ERCC1: variants seen among roughly 807,000 people sequenced by gnomAD.
ERCC1 encodes DNA excision repair protein ERCC-1.
Under a neutral mutation model 37.6 loss-of-function variants are expected in ERCC1, and 36 were observed. The ratio of observed to expected loss-of-function variants is 0.96; its 90% CI spans 0.73 to 1.26. The LOEUF is 1.26. Ranked by LOEUF, ERCC1 falls within the 50% of genes most tolerant of loss-of-function variation. ERCC1 has a pLI of 0.00. For missense variants in ERCC1, 349 were observed against 376.5 expected, an observed-to-expected ratio of 0.93 and a Z score of 0.60; for synonymous variants, 156 against 162.1, an observed-to-expected ratio of 0.96 and a Z score of 0.28.
chr19:45,445,881 A>AT (rs1966925000), intron 1 of ERCC1, among the ~76,000 whole-genome samples: 8 of 151,802 alleles, frequency 5.3e-5, no homozygotes, highest in Admixed American at 3.3e-4. Context: ...TTATTTGTTA[A>AT]TTAATTTATT....
chr19:45,428,083 C>CAT (rs1555790017), upstream of ERCC1, among the ~76,000 whole-genome samples: 1 of 116,018 alleles, frequency 8.6e-6, no homozygotes, highest in Non-Finnish European at 1.7e-5. Context: ...TTCTTTCTTT[C>CAT]TTTTTTTTTT....
intron 1 of ERCC1, among the ~76,000 whole-genome samples, chr19:45,440,943 G>A (rs1050232420): frequency 1.1e-4 from 17 of 152,190 alleles, no homozygotes; most frequent in Admixed American, 3.3e-4. Flanking sequence ...TGCCTTGCCC[G>A]CCTTGTCCAG....
intron 1 of ERCC1, chr19:45,449,272 A>G (rs1352313156): frequency 1.3e-5 from 2 of 150,052 alleles, no homozygotes; most frequent in African/African-American, 5.1e-5. Context: ...AACAATAATA[A>G]AAACACCTCT....
chr19:45,448,399 T>G (rs1309985714), intron 1 of ERCC1, among the ~76,000 whole-genome samples: 1 of 152,110 alleles, frequency 6.6e-6, no homozygotes, highest in Non-Finnish European at 1.5e-5. Context: ...TAAGAATGTT[T>G]GGAAACAACC....
chr19:45,430,662 C>T (rs1308151533), intron 1 of ERCC1, among the ~76,000 whole-genome samples: 2 of 152,102 alleles, frequency 1.3e-5, no homozygotes, highest in African/African-American at 2.4e-5. Context: ...CCTGTAATCC[C>T]AGCACTTTGG....
At chr19:45,424,146 C>T (rs1974609490), upstream of ERCC1, 1 of 743,962 alleles carries the variant, frequency 1.3e-6, no homozygotes, top group Non-Finnish European at 1.7e-6. Context: ...AACTTGGTCC[C>T]TCCTCTCAGT....
Position 45,420,025 on chromosome 19 carries a change from C to T in ERCC1, c.425+299G>A, listed in dbSNP as rs1305343708. The stretch of plus-strand genomic sequence containing the variant: ...GCCTCAGACCCAGGAGTCTAGGCCC[C>T]AGCCCCTCCTCCCTCAGATCCCCAG... On this transcript the variant is annotated intron_variant, in intron 4 of 9. Transcript: ENST00000300853. The surrounding 1 kb of genome is among the most constrained non-coding windows in gnomAD (Gnocchi z 4.8). 6.6e-6 allele frequency among the ~76,000 whole-genome samples: 1 copy of T among 150,846 alleles called. No individual in the cohort carries two copies.
chr19:45,448,745 G>T (rs1189083465), intron 1 of ERCC1, among the ~76,000 whole-genome samples: 1 of 151,890 alleles, frequency 6.6e-6, no homozygotes, highest in African/African-American at 2.4e-5. Flanking sequence ...CACATCAGAG[G>T]CTGAGAAAGA....
At position 45,407,369 on chromosome 19, in the gene ERCC1, C is replaced by A; in HGVS notation, c.*2306G>T. 1 of 788,114 alleles carries A rather than the reference C, an allele frequency of 1.3e-6. No individual in the cohort carries two copies. Among genetic ancestry groups the A allele is most frequent in the East Asian group, 2.8e-5 (1 of 35,238 alleles). 48.8% of individuals were successfully genotyped at this position (788,114 alleles called of 1,614,324 possible). ...GAAACAAGTTTATTGGAAACTACTCCTTTACAGAGTAGAGTGTCCTCAGAA... is the reference window on the plus strand; with the variant it reads ...GAAACAAGTTTATTGGAAACTACTCATTTACAGAGTAGAGTGTCCTCAGAA... On this transcript the variant is annotated 3_prime_UTR_variant, in exon 10 of 10. Coordinates refer to ENST00000300853, the MANE Select transcript of ERCC1 (RefSeq NM_001983.4).
intron 5 of ERCC1, 49 bp downstream of exon 5, chr19:45,419,049 C>T (rs773488703): frequency 2.3e-5 from 30 of 1,314,208 alleles, no homozygotes; most frequent in Non-Finnish European, 3.1e-5. Context: ...CAGCCCACTG[C>T]ACAACCTCAA....
chr19:45,437,163 C>T (rs1411480781), intron 1 of ERCC1, among the ~76,000 whole-genome samples: 2 of 151,700 alleles, frequency 1.3e-5, no homozygotes, highest in East Asian at 1.9e-4. Flanking sequence ...GGAGGAGAAT[C>T]GCTTGAACCC....
Position 45,409,017 on chromosome 19 carries a change from TGGAGCC to T in ERCC1, c.*652_*657del. ...CCAGGGACGGAGGCGATGGAGCCAGTGGAGCCGGAGATGAAGCCTCTGGAGTCCCCA... is the reference window on the plus strand; with the variant it reads ...CCAGGGACGGAGGCGATGGAGCCAGTGGAGATGAAGCCTCTGGAGTCCCCA... On this transcript the variant is annotated 3_prime_UTR_variant, in exon 10 of 10. Transcript: ENST00000300853. 6.2e-7 allele frequency: 1 copy of T among 1,613,942 alleles called. No individual in the cohort carries two copies.
At chr19:45,449,657 C>T (rs1001849058) in intron 1 of ERCC1, among the ~76,000 whole-genome samples, 7 of 151,700 alleles carry the variant, frequency 4.6e-5, no homozygotes, top group Admixed American at 3.3e-4. Flanking sequence ...AGAATGAGAC[C>T]TTGTCTCAAA....
At position 45,420,351 on chromosome 19, in the gene ERCC1, C is replaced by A; in HGVS notation, c.398G>T (p.Gly133Val). 1.2e-6 allele frequency: 2 copies of A among 1,613,384 alleles called. No individual in the cohort carries two copies. Among genetic ancestry groups the A allele is most frequent in the South Asian group, 2.2e-5 (2 of 90,862 alleles). The change falls in exon 4 of 10, where the codon GGC becomes GTC. Residue 133 changes from glycine (G) to valine (V), a missense_variant. Physicochemically the swap from Gly to Val is moderately radical, Grantham distance 109. Coordinates refer to ENST00000300853, the MANE Select transcript of ERCC1 (RefSeq NM_001983.4). The surrounding 1 kb of genome is among the most constrained non-coding windows in gnomAD (Gnocchi z 4.8). ...FGDVIPDYVL[G>V]QSTCALFLSL... ...GAGGAACAGGGCACAGGTGCTCTGGCCCAGCACATAGTCGGGAATTACGTC... is the reference window on the plus strand; with the variant it reads ...GAGGAACAGGGCACAGGTGCTCTGGACCAGCACATAGTCGGGAATTACGTC...
At chr19:45,440,232 C>G (rs978634646) in intron 1 of ERCC1, among the ~76,000 whole-genome samples, 5 of 151,900 alleles carry the variant, frequency 3.3e-5, no homozygotes, top group African/African-American at 1.2e-4. Context: ...ATAACTCCCC[C>G]CTCCCCTACA....
At position 45,433,012 on chromosome 19, in the gene ERCC1, G is replaced by A. The variant is rs145288036; in HGVS notation, c.-7-9631C>T. 2.4e-3 allele frequency among the ~76,000 whole-genome samples: 361 copies of A among 152,260 alleles called. 1 individual carries two copies. Among genetic ancestry groups the A allele is most frequent in the African/African-American group, 7.3e-3 (304 of 41,558 alleles). On this transcript the variant is annotated intron_variant, in intron 1 of 8. Coordinates refer to the ERCC1 transcript ENST00000423698. ...GGAGAATCGCTTGAACCTGGGAGGC[G>A]GAGTTTGCGGTGAGCCGAGATCGCG...
chr19:45,436,276 T>G (rs1974973135), intron 1 of ERCC1, among the ~76,000 whole-genome samples: 1 of 152,082 alleles, frequency 6.6e-6, no homozygotes, highest in South Asian at 2.1e-4. Context: ...TCAAACAGAT[T>G]GCATTAGTTT....
At chr19:45,427,914 C>A (rs1974735374), upstream of ERCC1, among the ~76,000 whole-genome samples, 1 of 152,132 alleles carries the variant, frequency 6.6e-6, no homozygotes, top group Non-Finnish European at 1.5e-5. Context: ...AGCAGAAGTG[C>A]GGTAAAGGGC....
At chr19:45,434,330 A>C (rs1334023241) in intron 1 of ERCC1, among the ~76,000 whole-genome samples, 1 of 146,344 alleles carries the variant, frequency 6.8e-6, no homozygotes, top group Non-Finnish European at 1.5e-5. Flanking sequence ...AAAAAATACA[A>C]AAAAAAAAAA....
Sources: allele counts gnomAD v4.1 joint callset (sites outside exome capture counted in the v4.1 genomes callset), GRCh38; gene constraint gnomAD v4.1.1; non-coding constraint Gnocchi (gnomAD v3.1); transcripts MANE v1.5; gene names NCBI Gene and HGNC (gene_info 2026-07-23, HGNC 2026-07-21).